SLC28A1: variants seen among roughly 807,000 people sequenced by gnomAD.
SLC28A1 encodes sodium/nucleoside cotransporter 1.
In SLC28A1, 64 loss-of-function variants were observed where a neutral mutation model predicts 74.8. The ratio of observed to expected loss-of-function variants is 0.86; its 90% confidence interval spans 0.70 to 1.05. The LOEUF (loss-of-function observed/expected upper bound fraction) is 1.05, where lower values mean the gene tolerates loss of function less well. SLC28A1 is among the 50% of genes least tolerant of loss of function. The pLI is 0.00. For synonymous variants in SLC28A1, 359 were observed against 335.0 expected (o/e 1.07, Z -0.78); for missense variants, 828 against 822.8 (o/e 1.01, Z -0.08).
At chr15:84,910,466 T>C (rs12101889) in intron 9 of SLC28A1, among the ~76,000 whole-genome samples, 62,044 of 152,130 alleles carry the variant, frequency 0.41, 13,731 homozygotes, top group African/African-American at 0.58. Flanking sequence ...CGGTGGCTCA[T>C]GCCTGTAATC....
At chr15:84,964,947 G>A in the SLC28A1 span, among the ~76,000 whole-genome samples, 2 of 152,176 alleles carry the variant, frequency 1.3e-5, no homozygotes, top group African/African-American at 4.8e-5. Flanking sequence ...TTCCCTCTTT[G>A]TCTTACCTGT....
the SLC28A1 span, among the ~76,000 whole-genome samples, chr15:84,974,022 C>T: frequency 6.6e-6 from 1 of 152,044 alleles, no homozygotes; most frequent in Non-Finnish European, 1.5e-5. Flanking sequence ...AGGCCTGTGT[C>T]CTAGAACTTG....
chr15:84,888,141 G>T (rs1164807042), intron 3 of SLC28A1, among the ~76,000 whole-genome samples: 1 of 152,176 alleles, frequency 6.6e-6, no homozygotes, highest in East Asian at 1.9e-4. Flanking sequence ...CAGTGAGGAA[G>T]TGACATTAGA....
chr15:84,904,036 G>A, intron 6 of SLC28A1, 61 bp from the exon 7 acceptor site: 4 of 1,611,766 alleles, frequency 2.5e-6, no homozygotes. Flanking sequence ...GGGTGCTATT[G>A]TGTGTGGGTG....
chr15:84,894,860 G>A (rs762940232), intron 5 of SLC28A1, 80 bp from the exon 6 acceptor site: 26 of 1,380,610 alleles, frequency 1.9e-5, no homozygotes, highest in Non-Finnish European at 2.7e-5. Flanking sequence ...GTGGAGTAAG[G>A]TGGAGTCCGC....
chr15:84,945,182 C>T lies in SLC28A1; in HGVS notation c.1932C>T (p.His644=), dbSNP rs1567194902. 1 of 1,614,060 alleles carries T rather than the reference C, an allele frequency of 6.2e-7. No homozygotes were observed. Among genetic ancestry groups the T allele is most frequent in the Non-Finnish European group, 8.5e-7 (1 of 1,179,956 alleles). Reference sequence around the variant, plus strand: ...ACAACTGCTGTCGGTTTTACAACCACACGATCTGTGCACAGTGAGGACAGA... The same window carrying T: ...ACAACTGCTGTCGGTTTTACAACCATACGATCTGTGCACAGTGAGGACAGA... ...ALDNCCRFYN[H]TICAQ is the part of the protein sequence containing the mutation. Residue 644 remains histidine (H), a synonymous_variant, in exon 19 of 19, where the codon CAC becomes CAT. Coordinates refer to ENST00000394573, the MANE Select transcript of SLC28A1 (RefSeq NM_004213.5).
rs531800333 is a variant in SLC28A1, at chr15:84,922,726, T to C, written c.958-1259T>C. On this transcript the variant is annotated intron_variant, in intron 11 of 18. Transcript: ENST00000394573. ...GTGGCCCACCTGCCCCCTCTGCCTC[T>C]GTCTCAGGCGGCTCCCCCGCGCCCA... Among the ~76,000 whole-genome samples, 406 of 152,354 alleles carry C rather than the reference T, an allele frequency of 2.7e-3. 1 individual carries two copies. The highest frequency in any genetic ancestry group is 4.7e-3 in the Non-Finnish European group (320 of 68,026).
the SLC28A1 span, among the ~76,000 whole-genome samples, chr15:84,966,864 A>G: frequency 6.6e-6 from 1 of 152,128 alleles, no homozygotes; most frequent in Non-Finnish European, 1.5e-5. Flanking sequence ...TGGGGACACA[A>G]CCAAACCATA....
intron 11 of SLC28A1, among the ~76,000 whole-genome samples, chr15:84,922,196 T>G (rs1006725323): frequency 2.6e-5 from 4 of 152,088 alleles, no homozygotes; most frequent in Non-Finnish European, 5.9e-5. Flanking sequence ...TTTAAACACT[T>G]TAAATGTCTC....
At chr15:84,947,157 C>T (rs1417158464), downstream of SLC28A1, among the ~76,000 whole-genome samples, 2 of 152,236 alleles carry the variant, frequency 1.3e-5, no homozygotes, top group African/African-American at 2.4e-5. Flanking sequence ...GGGCCTGTGT[C>T]CTTCCCTTAG....
At chr15:84,922,320 C>G (rs577886318) in intron 11 of SLC28A1, among the ~76,000 whole-genome samples, 1 of 152,286 alleles carries the variant, frequency 6.6e-6, no homozygotes, top group Non-Finnish European at 1.5e-5. Flanking sequence ...GACGCTAAGT[C>G]CAAACAACCT....
intron 12 of SLC28A1, among the ~76,000 whole-genome samples, chr15:84,927,531 G>T (rs1970654034): frequency 6.6e-6 from 1 of 152,174 alleles, no homozygotes; most frequent in African/African-American, 2.4e-5. Context: ...TATGGGGCAA[G>T]ATCCTCTCTG....
chr15:84,973,788 T>C, the SLC28A1 span, among the ~76,000 whole-genome samples: 1 of 152,208 alleles, frequency 6.6e-6, no homozygotes, highest in Non-Finnish European at 1.5e-5. Flanking sequence ...CACTGTATTC[T>C]CAGTGATGAA....
Position 84,908,767 on chromosome 15 carries a change from C to T in SLC28A1, c.767C>T (p.Ala256Val), listed in dbSNP as rs774555607. The T allele has an allele frequency of 1.1e-5, 18 of 1,613,860 alleles. No homozygotes were observed. Among genetic ancestry groups the T allele is most frequent in the Admixed American group, 5.0e-5 (3 of 60,002 alleles). ...KAGSSFVFGE[A>V]LVKDVFAFQV... ...GGCTCCAGCTTCGTGTTTGGGGAGG[C>T]GCTGGTCAAGGATGTCTTTGCCTTT... Residue 256 changes from alanine to valine, a missense_variant, in exon 9 of 19, where the codon GCG (alanine) becomes GTG (valine). Ala to Val is a moderately conservative substitution (Grantham distance 64). Around this residue, in one of 3 missense-constraint regions of SLC28A1, gnomAD observed 767 missense variants for 753.5 expected, o/e 1.02. Transcript: ENST00000394573.
chr15:84,974,777 T>C, the SLC28A1 span, among the ~76,000 whole-genome samples: 1 of 151,740 alleles, frequency 6.6e-6, no homozygotes, highest in Non-Finnish European at 1.5e-5. Flanking sequence ...CAGTGTGGAA[T>C]GCTCGGTGTG....
At chr15:84,910,883 T>C (rs1968101926) in intron 9 of SLC28A1, among the ~76,000 whole-genome samples, 1 of 152,090 alleles carries the variant, frequency 6.6e-6, no homozygotes, top group African/African-American at 2.4e-5. Flanking sequence ...GGAGACTCCT[T>C]GAGGAGGCAG....
At chr15:84,900,022 A>G (rs985679957) in intron 6 of SLC28A1, among the ~76,000 whole-genome samples, 2 of 151,988 alleles carry the variant, frequency 1.3e-5, no homozygotes, top group East Asian at 3.9e-4. Flanking sequence ...GCAGGCAGGC[A>G]AGCAAGCCTG....
intron 9 of SLC28A1, among the ~76,000 whole-genome samples, chr15:84,912,233 T>A (rs1199186536): frequency 6.6e-6 from 1 of 152,064 alleles, no homozygotes; most frequent in Non-Finnish European, 1.5e-5. Flanking sequence ...AAGGTAGGGG[T>A]GGTTTTGTTG....
chr15:84,897,222 A>C (rs1182410051), intron 6 of SLC28A1, among the ~76,000 whole-genome samples: 34 of 19,388 alleles, frequency 1.8e-3, no homozygotes, highest in African/African-American at 2.4e-3. Flanking sequence ...TAAAAATAGC[A>C]AAAAAAAAAA....
Sources: allele counts gnomAD v4.1 joint callset (sites outside exome capture counted in the v4.1 genomes callset), GRCh38; gene constraint gnomAD v4.1.1; regional missense constraint gnomAD v4.1.1; transcripts MANE v1.5; gene names NCBI Gene and HGNC (gene_info 2026-07-23, HGNC 2026-07-21).